PLAA: variants seen among roughly 807,000 people sequenced by gnomAD.
PLAA encodes the protein phospholipase A-2-activating protein.
Under a neutral mutation model 84.1 loss-of-function variants are expected in PLAA, and 48 were observed. That is an observed-to-expected ratio of 0.57 (90% CI 0.45 to 0.73). The LOEUF (loss-of-function observed/expected upper bound fraction) is 0.73. Ranked by LOEUF, PLAA falls within the 30% of genes least tolerant of loss-of-function variation. The pLI, the probability that PLAA is intolerant of heterozygous loss-of-function variation, is 0.00. For synonymous variants in PLAA, 392 were observed against 336.6 expected, an observed-to-expected ratio of 1.16 and a Z score of -1.80; for missense variants, 903 against 954.7, an observed-to-expected ratio of 0.95 and a Z score of 0.71.
At chr9:26,915,797 T>C (rs1824532261) in intron 10 of PLAA, 1 of 985,258 alleles carries the variant, frequency 1.0e-6, no homozygotes, top group Admixed American at 6.2e-5. Context: ...CCCCAGGAGT[T>C]TTCTTGATTT....
At chr9:26,945,438 G>C (rs1587200798) in intron 1 of PLAA, among the ~76,000 whole-genome samples, 1 of 152,108 alleles carries the variant, frequency 6.6e-6, no homozygotes, top group Non-Finnish European at 1.5e-5. Flanking sequence ...AGTAGTTTTG[G>C]ATATTATAGA....
At chr9:26,943,331 C>T (rs185055289) in intron 1 of PLAA, among the ~76,000 whole-genome samples, 13 of 152,298 alleles carry the variant, frequency 8.5e-5, no homozygotes, top group Non-Finnish European at 1.5e-4. Context: ...TTAGTCTACT[C>T]TAAAACAGAA....
chr9:26,941,394 C>G (rs1825535623), intron 1 of PLAA, among the ~76,000 whole-genome samples: 1 of 152,122 alleles, frequency 6.6e-6, no homozygotes, highest in Admixed American at 6.6e-5. Flanking sequence ...CCCTCATCCT[C>G]TAGGCAGCAG....
chr9:26,939,802 CAAA>C (rs1825474252), intron 1 of PLAA, among the ~76,000 whole-genome samples: 1 of 151,550 alleles, frequency 6.6e-6, no homozygotes, highest in Non-Finnish European at 1.5e-5. Flanking sequence ...AAACAAGAGA[CAAA>C]GAAGGATATT....
chr9:26,928,751 G>C (rs1212852660), intron 2 of PLAA, among the ~76,000 whole-genome samples: 1 of 152,200 alleles, frequency 6.6e-6, no homozygotes, highest in Non-Finnish European at 1.5e-5. Flanking sequence ...TAATGTAAAT[G>C]ATTTTGAAAC....
intron 12 of PLAA, among the ~76,000 whole-genome samples, chr9:26,909,400 G>A (rs907723293): frequency 6.6e-6 from 1 of 152,048 alleles, no homozygotes; most frequent in Non-Finnish European, 1.5e-5. Context: ...AAATATTAAT[G>A]AGTGATTTTT....
intron 1 of PLAA, among the ~76,000 whole-genome samples, chr9:26,938,809 G>C (rs894345551): frequency 6.6e-6 from 1 of 151,998 alleles, no homozygotes; most frequent in Non-Finnish European, 1.5e-5. Flanking sequence ...TGTAACTTTG[G>C]TTTGTAACTC....
At chr9:26,937,245 A>G (rs1825388178) in intron 1 of PLAA, among the ~76,000 whole-genome samples, 1 of 152,208 alleles carries the variant, frequency 6.6e-6, no homozygotes, top group Admixed American at 6.5e-5. Context: ...GGAACTACAT[A>G]TATGGAAAAA....
intron 4 of PLAA, among the ~76,000 whole-genome samples, 167 bp from the exon 5 acceptor site, chr9:26,926,727 A>G (rs1824980224): frequency 6.6e-6 from 1 of 152,138 alleles, no homozygotes; most frequent in South Asian, 2.1e-4. Flanking sequence ...TTTGTATTTA[A>G]GGTTTAGCAA....
intron 8 of PLAA, 145 bp downstream of exon 8, chr9:26,920,082 G>A: frequency 1.6e-6 from 1 of 611,842 alleles, no homozygotes; most frequent in Non-Finnish European, 2.8e-6. Flanking sequence ...TCTATTTCAA[G>A]ACAGGGAAAA....
chr9:26,928,090 C>G lies in PLAA; in HGVS notation c.565+10G>C, dbSNP rs757290316. 4 of 1,610,856 alleles carry G rather than the reference C, an allele frequency of 2.5e-6. No individual in the cohort carries two copies. The highest frequency in any genetic ancestry group is 2.2e-5 in the East Asian group (1 of 44,876). On this transcript the variant is annotated intron_variant, in intron 4 of 13. Transcript: ENST00000397292. The stretch of plus-strand genomic sequence containing the variant: ...AATGATATTATAAAACTTGTCTACC[C>G]TGATCTTACCTGAAAAAGTCCTCTC...
chr9:26,906,093 GTC>G lies in PLAA; in HGVS notation c.1823-19_1823-18del. 7.5e-7 allele frequency: 1 copy of G among 1,339,858 alleles called. No individual in the cohort carries two copies. The highest frequency in any genetic ancestry group is 9.9e-7 in the Non-Finnish European group (1 of 1,005,028). The allele number at this position is 1,339,858 out of a possible 1,614,324, so 83.0% of individuals were successfully genotyped here. A position where few individuals can be genotyped will look rare whatever the true frequency, so the allele number is the denominator to read the frequency against. ...AGACAATATCTATTAAAAAAAAAAA[GTC>G]ATTAATGCTTATGAAAATAAAGAAA... On this transcript the variant is annotated intron_variant, in intron 13 of 13. Coordinates refer to ENST00000397292, the MANE Select transcript of PLAA (RefSeq NM_001031689.3).
intron 2 of PLAA, among the ~76,000 whole-genome samples, chr9:26,933,497 T>A (rs902876870): frequency 7.3e-5 from 11 of 151,376 alleles, no homozygotes; most frequent in Admixed American, 5.9e-4. Flanking sequence ...AATAAAAAAT[T>A]ATTTTTGTTG....
intron 1 of PLAA, among the ~76,000 whole-genome samples, chr9:26,943,384 G>A (rs1825599110): frequency 6.6e-6 from 1 of 152,110 alleles, no homozygotes; most frequent in Non-Finnish European, 1.5e-5. Flanking sequence ...ATTATTCCCA[G>A]TCCATCCCTA....
At chr9:26,910,241 A>C (rs1049750951) in intron 12 of PLAA, 97 bp downstream of exon 12, 1 of 780,334 alleles carries the variant, frequency 1.3e-6, no homozygotes, top group Non-Finnish European at 2.2e-6. Flanking sequence ...ATTCATATTA[A>C]GTACCCAATT....
chr9:26,914,063 T>G, intron 10 of PLAA, 116 bp from the exon 11 acceptor site: 1 of 690,448 alleles, frequency 1.4e-6, no homozygotes, highest in South Asian at 2.0e-5. Context: ...ATTATATACA[T>G]AATAAATATG....
intron 11 of PLAA, among the ~76,000 whole-genome samples, chr9:26,910,742 C>T (rs985974475): frequency 6.6e-6 from 1 of 151,972 alleles, no homozygotes; most frequent in Admixed American, 6.6e-5. Flanking sequence ...ACTACAGCCT[C>T]GACCTCCTGG....
intron 2 of PLAA, 141 bp downstream of exon 2, chr9:26,934,872 G>C (rs1316524072): frequency 4.9e-6 from 3 of 618,144 alleles, no homozygotes. Context: ...AACTAAGATA[G>C]CCCAAAAGCG....
chr9:26,936,957 A>G (rs939858692), intron 1 of PLAA, among the ~76,000 whole-genome samples: 3 of 152,134 alleles, frequency 2.0e-5, no homozygotes, highest in African/African-American at 7.2e-5. Context: ...CCTTGCCAAC[A>G]TGGTGAAACC....
Sources: allele counts gnomAD v4.1 joint callset (sites outside exome capture counted in the v4.1 genomes callset), GRCh38; gene constraint gnomAD v4.1.1; transcripts MANE v1.5; gene names NCBI Gene and HGNC (gene_info 2026-07-23, HGNC 2026-07-21).